Variants in PABPC1L observed in about 807,000 individuals in gnomAD.
PABPC1L encodes poly(A) binding protein cytoplasmic 1 like.
In PABPC1L, 31 loss-of-function variants were observed where a neutral mutation model predicts 66.6. The ratio of observed to expected loss-of-function variants is 0.47; its 90% CI spans 0.35 to 0.63. PABPC1L has a LOEUF of 0.63. Among genes scored for constraint, PABPC1L ranks in the 20% least tolerant of loss-of-function variants. The pLI is 0.00. For synonymous variants in PABPC1L, 348 were observed against 335.1 expected (o/e 1.04, Z -0.42); for missense variants, 722 against 848.8 (o/e 0.85, Z 1.86).
At chr20:44,931,062 TCCCTCCCTCCCTCCCTCCCTCCCTC>T (rs2066853697) in intron 8 of PABPC1L, among the ~76,000 whole-genome samples, 2 of 2,682 alleles carry the variant, frequency 7.5e-4, no homozygotes, top group South Asian at 0.016. Context: ...TCCCTTCCCT[TCCCTCCCTCCCTCCCTCCCTCCCTC>T]CCTTCCTTCC....
chr20:44,928,877 A>G (rs1415746240), intron 7 of PABPC1L, among the ~76,000 whole-genome samples: 4 of 150,258 alleles, frequency 2.7e-5, no homozygotes, highest in Non-Finnish European at 3.0e-5. Flanking sequence ...AAAAAAAAAA[A>G]AAAAAAAAGA....
At chr20:44,938,620 C>T in intron 13 of PABPC1L, 54 bp from the exon 14 acceptor site, 1 of 1,556,232 alleles carries the variant, frequency 6.4e-7, no homozygotes, top group Non-Finnish European at 8.7e-7. Flanking sequence ...CAAGGCTCTT[C>T]TGTGACCTGC....
chr20:44,913,338 C>T (rs2066717359), intron 2 of PABPC1L, among the ~76,000 whole-genome samples: 2 of 152,026 alleles, frequency 1.3e-5, no homozygotes, highest in African/African-American at 4.8e-5. Context: ...ATGGCAGGGG[C>T]TCAGAAGACA....
intron 3 of PABPC1L, 28 bp from the exon 4 acceptor site, chr20:44,918,878 G>A: frequency 6.5e-7 from 1 of 1,548,926 alleles, no homozygotes; most frequent in Non-Finnish European, 8.7e-7. Flanking sequence ...GCTGTCCACA[G>A]CCATGAGCCA....
chr20:44,931,038 T>TC (rs2066851747), intron 8 of PABPC1L, among the ~76,000 whole-genome samples: 1 of 26,054 alleles, frequency 3.8e-5, no homozygotes, highest in African/African-American at 1.8e-4. Flanking sequence ...TTCCCTCCCT[T>TC]CCCTCCCTTC....
chr20:44,919,960 G>A (rs2066761784), intron 5 of PABPC1L, among the ~76,000 whole-genome samples: 1 of 152,188 alleles, frequency 6.6e-6, no homozygotes, highest in African/African-American at 2.4e-5. Context: ...TGTAGTTGCA[G>A]TTAGAACCTA....
Position 44,935,362 on chromosome 20 carries a change from TTTTTGTTTTG to T in PABPC1L, c.1460-13_1460-4del, listed in dbSNP as rs749198838. 23 of 1,567,140 alleles carry T rather than the reference TTTTTGTTTTG, an allele frequency of 1.5e-5. No homozygotes were observed. The highest frequency in any genetic ancestry group is 2.2e-5 in the South Asian group (2 of 89,756). ...GATAGCAGCTATTTGAACTCTGCTT[TTTTTGTTTTG>T]TTTTGTTTTGTTTTGCAGCCAACAT... is the stretch of plus-strand genomic sequence containing the variant. On this transcript the variant is annotated intron_variant, in intron 10 of 14. Transcript: ENST00000217073.
chr20:44,912,913 G>T, intron 2 of PABPC1L, 60 bp downstream of exon 2: 1 of 1,475,624 alleles, frequency 6.8e-7, no homozygotes, highest in Non-Finnish European at 9.3e-7. Context: ...GCCTGGTAGA[G>T]GGGTGACAAG....
At chr20:44,938,778 G>A in intron 14 of PABPC1L, 30 bp downstream of exon 14, 1 of 1,594,306 alleles carries the variant, frequency 6.3e-7, no homozygotes, top group Non-Finnish European at 8.6e-7. Flanking sequence ...AAGCAGCTGA[G>A]CCCGGGAGAA....
At chr20:44,925,160 C>T (rs1017439357) in intron 7 of PABPC1L, among the ~76,000 whole-genome samples, 9 of 147,568 alleles carry the variant, frequency 6.1e-5, no homozygotes, top group African/African-American at 2.3e-4. Context: ...TTGCAGTGAG[C>T]CAAGATCGTG....
At chr20:44,919,389 G>C (rs1025513496) in intron 5 of PABPC1L, 112 bp downstream of exon 5, 237 of 1,146,060 alleles carry the variant, frequency 2.1e-4, no homozygotes, top group Middle Eastern at 2.7e-4. Context: ...CCTAAGCCAA[G>C]AGGGTGGGAG....
chr20:44,926,586 G>T (rs138620063), intron 7 of PABPC1L, among the ~76,000 whole-genome samples: 1,821 of 150,938 alleles, frequency 0.012, 31 homozygotes, highest in African/African-American at 0.04. Flanking sequence ...CCTTCTTGTC[G>T]CCCAGGCTGG....
chr20:44,938,215 G>C, intron 13 of PABPC1L, 24 bp downstream of exon 13: 13 of 1,609,714 alleles, frequency 8.1e-6, no homozygotes, highest in Non-Finnish European at 1.1e-5. Context: ...TGGGCAGCAG[G>C]GAGCCCGAGG....
At chr20:44,919,145 T>C in intron 4 of PABPC1L, 38 bp from the exon 5 acceptor site, 1 of 1,613,962 alleles carries the variant, frequency 6.2e-7, no homozygotes, top group Non-Finnish European at 8.5e-7. Context: ...CCTGAGGACT[T>C]CCCAGACTCC....
chr20:44,925,715 T>C (rs962911003), intron 7 of PABPC1L, among the ~76,000 whole-genome samples: 9 of 152,220 alleles, frequency 5.9e-5, no homozygotes, highest in African/African-American at 2.2e-4. Context: ...GTTAAGATCC[T>C]TTTGAAAAAT....
At position 44,932,337 on chromosome 20, in the gene PABPC1L, T is replaced by C. The variant is rs767367191; in HGVS notation, c.1240-5T>C. On this transcript the variant is annotated splice_region_variant and splice_polypyrimidine_tract_variant and intron_variant, in intron 8 of 14. Coordinates refer to ENST00000217073, the MANE Select transcript of PABPC1L (RefSeq NM_001372179.1). The stretch of plus-strand genomic sequence containing the variant: ...CCTCAGTCTGGGTCTTCTTTTCCCA[T>C]GCAGCCTCCAGCCCAGGCTGCATAC... The C allele has an allele frequency of 2.3e-5, 37 of 1,603,480 alleles. No individual in the cohort carries two copies. Among genetic ancestry groups the C allele is most frequent in the Non-Finnish European group, 2.9e-5 (34 of 1,172,972 alleles).
intron 7 of PABPC1L, among the ~76,000 whole-genome samples, chr20:44,929,768 C>G (rs981249807): frequency 1.3e-5 from 2 of 149,842 alleles, no homozygotes; most frequent in Admixed American, 1.3e-4. Flanking sequence ...CCACTCTAGC[C>G]TGAGTGACAG....
intron 3 of PABPC1L, among the ~76,000 whole-genome samples, chr20:44,917,925 T>C (rs141238650): frequency 1.3e-5 from 2 of 152,234 alleles, no homozygotes; most frequent in Non-Finnish European, 2.9e-5. Flanking sequence ...TGGTACAACT[T>C]TGTTTGTGCT....
intron 11 of PABPC1L, among the ~76,000 whole-genome samples, chr20:44,936,129 T>G (rs1407531196): frequency 6.6e-6 from 1 of 152,020 alleles, no homozygotes; most frequent in Non-Finnish European, 1.5e-5. Flanking sequence ...GCCTGGTTAA[T>G]TTTGTGTATT....
Sources: gnomAD v4.1 joint callset for allele counts (sites outside exome capture counted in the v4.1 genomes callset) on GRCh38, gnomAD v4.1.1 for gene constraint, MANE v1.5 for transcripts, NCBI Gene and HGNC (gene_info 2026-07-23, HGNC 2026-07-21) for gene names.